Variants in COL18A1 observed in about 807,000 individuals in gnomAD.
COL18A1 encodes collagen type XVIII alpha 1 chain, also known as collagen alpha-1(XVIII) chain.
In COL18A1, 133 loss-of-function variants were observed where a neutral mutation model predicts 168.0. The observed-to-expected ratio is 0.79, with a 90% CI of 0.69 to 0.91. The LOEUF is 0.91. Ranked by LOEUF, COL18A1 falls within the 40% of genes least tolerant of loss-of-function variation. The probability of loss-of-function intolerance (pLI) is 0.00; values close to 1 mark genes in which losing one functional copy is unlikely to be tolerated. For synonymous variants in COL18A1, 949 were observed against 809.0 expected (o/e 1.17, Z -2.94); for missense variants, 2,126 against 1,925.4 (o/e 1.10, Z -1.95).
At chr21:45,405,297 TCGCGGGGGTC>T (rs1371851859) in intron 1 of COL18A1, 56 bp downstream of exon 1, 2 of 690,290 alleles carry the variant, frequency 2.9e-6, no homozygotes, top group South Asian at 6.7e-5. Flanking sequence ...GCTGCGGGGG[TCGCGGGGGTC>T]GCGGGGCTCG....
At chr21:45,482,081 C>T (rs556220035) in intron 14 of COL18A1, 56 bp downstream of exon 14, 8 of 1,438,678 alleles carry the variant, frequency 5.6e-6, no homozygotes, top group Middle Eastern at 1.8e-4. Context: ...CCATGTGGCC[C>T]GGGTCCGGGG....
At chr21:45,504,293 AGCAGCTCCCAGGCCTGGGCTCCG>A in intron 33 of COL18A1, 100 bp from the exon 34 acceptor site, 1 of 1,026,566 alleles carries the variant, frequency 9.7e-7, no homozygotes, top group Non-Finnish European at 1.4e-6. Context: ...CTATGCAGCC[AGCAGCTCCCAGGCCTGGGCTCCG>A]GAAGCTTCTG....
chr21:45,465,474 C>G (rs1209643010), intron 2 of COL18A1, among the ~76,000 whole-genome samples: 1 of 152,248 alleles, frequency 6.6e-6, no homozygotes, highest in African/African-American at 2.4e-5. Context: ...GGGCACTTCA[C>G]TGCGTAAGTG....
chr21:45,495,720 G>A (rs3028018), intron 29 of COL18A1: 3,922 of 334,430 alleles, frequency 0.012, 48 homozygotes, highest in Middle Eastern at 0.031. Flanking sequence ...ACACATACAC[G>A]CACACACACA....
intron 2 of COL18A1, 60 bp from the exon 3 acceptor site, chr21:45,468,182 G>T (rs1325262234): frequency 1.3e-6 from 2 of 1,591,656 alleles, no homozygotes; most frequent in Non-Finnish European, 1.7e-6. Flanking sequence ...TCCAGGCCGC[G>T]TCGGTGGCCC....
intron 2 of COL18A1, among the ~76,000 whole-genome samples, chr21:45,446,240 T>C (rs1398242797): frequency 6.6e-6 from 1 of 152,182 alleles, no homozygotes; most frequent in Non-Finnish European, 1.5e-5. Flanking sequence ...TGCCCGTAGG[T>C]TATGAGTTTA....
intron 2 of COL18A1, among the ~76,000 whole-genome samples, chr21:45,438,029 CAG>C (rs1295001934): frequency 1.6e-5 from 2 of 127,082 alleles, no homozygotes; most frequent in Non-Finnish European, 3.2e-5. Context: ...CACTCACACA[CAG>C]ACACACAGGC....
At chr21:45,492,459 T>C in intron 22 of COL18A1, 76 bp from the exon 23 acceptor site, 3 of 1,545,130 alleles carry the variant, frequency 1.9e-6, no homozygotes, top group Non-Finnish European at 1.8e-6. Flanking sequence ...GTTTTGTTGA[T>C]CTGTAAGTCG....
At chr21:45,444,013 A>T (rs1437082033) in intron 2 of COL18A1, among the ~76,000 whole-genome samples, 2 of 152,166 alleles carry the variant, frequency 1.3e-5, no homozygotes, top group Non-Finnish European at 2.9e-5. Context: ...GTTGCCACGC[A>T]AGAATTCAGT....
At chr21:45,487,972 G>A (rs2036174703) in intron 17 of COL18A1, among the ~76,000 whole-genome samples, 1 of 152,202 alleles carries the variant, frequency 6.6e-6, no homozygotes, top group Admixed American at 6.5e-5. Context: ...CAAAACAACT[G>A]TGCTCAGACA....
intron 2 of COL18A1, among the ~76,000 whole-genome samples, chr21:45,417,333 G>A (rs993686553): frequency 6.6e-6 from 1 of 152,214 alleles, no homozygotes; most frequent in Admixed American, 6.5e-5. Flanking sequence ...TCTGGCGCTT[G>A]CTTCTCTGTG....
intron 9 of COL18A1, among the ~76,000 whole-genome samples, chr21:45,478,686 G>T (rs1413425466): frequency 6.6e-6 from 1 of 151,970 alleles, no homozygotes; most frequent in Admixed American, 6.6e-5. Flanking sequence ...GTCGGCGGGG[G>T]AGGGAAGCAC....
At chr21:45,411,588 C>T (rs2033290566) in intron 2 of COL18A1, among the ~76,000 whole-genome samples, 1 of 152,116 alleles carries the variant, frequency 6.6e-6, no homozygotes, top group African/African-American at 2.4e-5. Context: ...TGTGAACGAG[C>T]AGTCACAGGG....
At chr21:45,479,221 A>T (rs543369522) in intron 9 of COL18A1, among the ~76,000 whole-genome samples, 6 of 152,256 alleles carry the variant, frequency 3.9e-5, no homozygotes, top group Non-Finnish European at 7.4e-5. Context: ...CATACCACAC[A>T]TGCACACACA....
At chr21:45,496,137 T>C (rs2036536492) in intron 29 of COL18A1, 1 of 378,954 alleles carries the variant, frequency 2.6e-6, no homozygotes, top group African/African-American at 2.2e-5. Context: ...TGCTGGGGGT[T>C]CTCCCGCTCA....
At chr21:45,416,590 A>G (rs1264403280) in intron 2 of COL18A1, among the ~76,000 whole-genome samples, 2 of 151,984 alleles carry the variant, frequency 1.3e-5, no homozygotes, top group East Asian at 3.9e-4. Context: ...CTCTGAGGAC[A>G]GTGTGCTCTC....
chr21:45,458,563 AC>A (rs914221716), intron 2 of COL18A1, among the ~76,000 whole-genome samples: 2 of 150,464 alleles, frequency 1.3e-5, no homozygotes, highest in Admixed American at 6.6e-5. Context: ...CTTGCAGGCA[AC>A]CCCCCCGGAG....
intron 32 of COL18A1, among the ~76,000 whole-genome samples, chr21:45,499,037 C>T (rs963975245): frequency 6.6e-6 from 1 of 152,190 alleles, no homozygotes; most frequent in Non-Finnish European, 1.5e-5. Flanking sequence ...TGATGCTCTT[C>T]CAAAGCCAAG....
chr21:45,421,232 G>A lies in COL18A1; in HGVS notation c.106+15759G>A, dbSNP rs1346555445. On this transcript the variant is annotated intron_variant, in intron 2 of 41. Transcript: ENST00000651438. ...CTTTGCCGCCCCCACCCCCATAGGT[G>A]CTTGCTTTGAGCCCCTTGCAAAGGT... is the stretch of plus-strand genomic sequence containing the variant. 1.4e-5 allele frequency: 5 copies of A among 362,674 alleles called. No homozygotes were observed. In the East Asian group the frequency reaches 3.7e-4, roughly 27 times the overall value. The allele number at this position is 362,674 out of a possible 1,614,324, so 22.5% of individuals were successfully genotyped here. A position where few individuals can be genotyped will look rare whatever the true frequency, so the allele number is the denominator to read the frequency against.
Sources: gnomAD v4.1 joint callset for allele counts (sites outside exome capture counted in the v4.1 genomes callset) on GRCh38, gnomAD v4.1.1 for gene constraint, MANE v1.5 for transcripts, NCBI Gene and HGNC (gene_info 2026-07-23, HGNC 2026-07-21) for gene names.